The following CAST variants were observed in gnomAD, a reference collection of about 807,000 sequenced individuals.
The protein encoded by CAST is calpastatin, also known as MIR583 host.
A neutral mutation model predicts 119.6 loss-of-function variants in CAST; 76 were observed. The ratio of observed to expected loss-of-function variants is 0.64; its 90% CI spans 0.53 to 0.77. The LOEUF (loss-of-function observed/expected upper bound fraction) is 0.77, where lower values mean the gene tolerates loss of function less well. CAST is among the 30% of genes least tolerant of loss of function. The pLI, the probability that CAST is intolerant of heterozygous loss-of-function variation, is 0.00. For synonymous variants in CAST, 319 were observed against 331.6 expected (o/e 0.96, Z 0.41); for missense variants, 953 against 946.5 (o/e 1.01, Z -0.09).
chr5:96,227,990 CCTCT>C, the CAST span, among the ~76,000 whole-genome samples: 2 of 141,162 alleles, frequency 1.4e-5, no homozygotes, highest in African/African-American at 5.5e-5. Context: ...TTGTAGTCTC[CCTCT>C]TTCTCTCTCT....
At chr5:96,259,782 A>T in the CAST span, among the ~76,000 whole-genome samples, 1 of 152,262 alleles carries the variant, frequency 6.6e-6, no homozygotes, top group South Asian at 2.1e-4. Flanking sequence ...CAGTTTATCA[A>T]TAAAGATTGA....
At chr5:96,217,659 A>G in the CAST span, among the ~76,000 whole-genome samples, 3 of 152,240 alleles carry the variant, frequency 2.0e-5, no homozygotes, top group African/African-American at 7.2e-5. Context: ...ATGATCTATT[A>G]CTATGCACAA....
intron 3 of CAST, among the ~76,000 whole-genome samples, chr5:96,718,648 A>AG (rs1757626303): frequency 6.6e-6 from 1 of 152,220 alleles, no homozygotes; most frequent in African/African-American, 2.4e-5. Context: ...CTAAAGCCAC[A>AG]GCAGCCAACA....
At chr5:96,043,537 G>A in the CAST span, among the ~76,000 whole-genome samples, 3 of 152,132 alleles carry the variant, frequency 2.0e-5, no homozygotes, top group Middle Eastern at 3.2e-3. Context: ...GGTATCATGA[G>A]GAACTCAAAG....
chr5:96,222,215 C>G, the CAST span, among the ~76,000 whole-genome samples: 3 of 151,938 alleles, frequency 2.0e-5, no homozygotes, highest in Admixed American at 6.6e-5. Flanking sequence ...AATATTATGG[C>G]TAAGACCTCA....
rs1270036959 is a variant in CAST at position 96,731,471 on chromosome 5, A to AG, written c.630+613dup. On this transcript the variant is annotated intron_variant, in intron 9 of 31. Coordinates refer to ENST00000675179, the MANE Select transcript of CAST (RefSeq NM_001750.7). The stretch of plus-strand genomic sequence containing the variant: ...ATTTTTTTTTTTACCTTATCCTTTA[A>AG]GGTTTTTTTTTTTTTTTTTGCATTT... Among the ~76,000 whole-genome samples, 6 of 126,604 alleles carry AG rather than the reference A, an allele frequency of 4.7e-5. No homozygotes were observed. The South Asian group carries it at 1.5e-3, about 31-fold the overall frequency. The allele number at this position is 126,604 out of a possible 152,430, so 83.1% of individuals were successfully genotyped here.
intron 3 of CAST, among the ~76,000 whole-genome samples, chr5:96,708,214 G>A (rs951912474): frequency 1.3e-5 from 2 of 152,168 alleles, no homozygotes; most frequent in East Asian, 3.8e-4. Context: ...TAAAAGTTGT[G>A]TCAGGTTTAG....
chr5:96,344,665 G>A, the CAST span, among the ~76,000 whole-genome samples: 3 of 152,098 alleles, frequency 2.0e-5, no homozygotes, highest in Non-Finnish European at 2.9e-5. Flanking sequence ...TAAGTTTGTG[G>A]GGGATATGCT....
the CAST span, among the ~76,000 whole-genome samples, chr5:96,093,345 G>T: frequency 6.6e-6 from 1 of 152,214 alleles, no homozygotes; most frequent in Non-Finnish European, 1.5e-5. Flanking sequence ...AGGAAGAAAA[G>T]GTTAAATCTA....
the CAST span, among the ~76,000 whole-genome samples, chr5:96,241,350 A>G: frequency 6.6e-6 from 1 of 151,790 alleles, no homozygotes; most frequent in Non-Finnish European, 1.5e-5. Flanking sequence ...ACTGAGAATG[A>G]TGATTTCCAA....
the CAST span, among the ~76,000 whole-genome samples, chr5:96,306,331 C>T: frequency 5.9e-5 from 9 of 151,848 alleles, no homozygotes; most frequent in Non-Finnish European, 1.2e-4. Context: ...TTTGATTTTT[C>T]TCTCTTTTCT....
the CAST span, among the ~76,000 whole-genome samples, chr5:96,367,431 A>G: frequency 6.6e-6 from 1 of 152,176 alleles, no homozygotes; most frequent in Non-Finnish European, 1.5e-5. Flanking sequence ...GGTGGAGTCT[A>G]CAGAGGCAGG....
the CAST span, among the ~76,000 whole-genome samples, chr5:96,465,668 G>C: frequency 6.6e-6 from 1 of 152,026 alleles, no homozygotes; most frequent in Non-Finnish European, 1.5e-5. Context: ...TCAATATTTT[G>C]ACCACTGAGC....
chr5:96,362,070 G>A, the CAST span, among the ~76,000 whole-genome samples: 41,859 of 151,822 alleles, frequency 0.28, 6,794 homozygotes, highest in Admixed American at 0.4. Context: ...ACCTATGGGT[G>A]AGAACATGCG....
At chr5:95,981,737 T>C in the CAST span, among the ~76,000 whole-genome samples, 1 of 152,140 alleles carries the variant, frequency 6.6e-6, no homozygotes, top group Non-Finnish European at 1.5e-5. Flanking sequence ...TAGCTGGGCA[T>C]GGTGGCATGC....
the CAST span, among the ~76,000 whole-genome samples, chr5:96,002,538 A>G: frequency 6.6e-6 from 1 of 152,182 alleles, no homozygotes; most frequent in South Asian, 2.1e-4. Flanking sequence ...TACCCGGTCC[A>G]GCTTGGGTGT....
intron 1 of CAST, among the ~76,000 whole-genome samples, chr5:96,668,705 G>C (rs1749660028): frequency 1.3e-5 from 2 of 152,218 alleles, no homozygotes; most frequent in South Asian, 4.1e-4. Flanking sequence ...ACAAATCTAG[G>C]CTGTTTCTGC....
chr5:96,238,795 C>T, the CAST span, among the ~76,000 whole-genome samples: 1 of 152,002 alleles, frequency 6.6e-6, no homozygotes, highest in Non-Finnish European at 1.5e-5. Context: ...TAAAGTGTTT[C>T]CTGTTTCTAT....
chr5:96,651,958 A>G (rs1311321576), intron 1 of CAST, among the ~76,000 whole-genome samples: 1 of 152,218 alleles, frequency 6.6e-6, no homozygotes, highest in Admixed American at 6.5e-5. Context: ...TCCCTGTGAC[A>G]TGTTTTTAAA....
Sources: allele counts gnomAD v4.1 joint callset (sites outside exome capture counted in the v4.1 genomes callset), GRCh38; gene constraint gnomAD v4.1.1; transcripts MANE v1.5; gene names NCBI Gene and HGNC (gene_info 2026-07-23, HGNC 2026-07-21).